SMARCE1: variants seen among roughly 807,000 people sequenced by gnomAD.
SMARCE1 encodes the protein SWI/SNF-related matrix-associated actin-dependent regulator of chromatin subfamily E member 1.
Under a neutral mutation model 54.9 loss-of-function variants are expected in SMARCE1, and 13 were observed. The observed-to-expected ratio is 0.24, with a 90% CI of 0.15 to 0.38. The LOEUF (loss-of-function observed/expected upper bound fraction) is 0.38. SMARCE1 is among the 10% of genes least tolerant of loss of function. The pLI is 1.00. For synonymous variants in SMARCE1, 151 were observed against 175.3 expected (o/e 0.86, Z 1.10); for missense variants, 295 against 523.8 (o/e 0.56, Z 4.26).
chr17:40,636,626 GA>G, intron 5 of SMARCE1, 100 bp from the exon 6 acceptor site: 1 of 914,602 alleles, frequency 1.1e-6, no homozygotes, highest in Non-Finnish European at 1.7e-6. Flanking sequence ...ACAAAGCAGA[GA>G]AAACAGTATC....
chr17:40,629,076 A>G (rs1226536960), intron 10 of SMARCE1, 83 bp from the exon 11 acceptor site: 85 of 1,146,270 alleles, frequency 7.4e-5, no homozygotes, highest in Middle Eastern at 3.8e-4. Flanking sequence ...GTGCTGTCCA[A>G]TATAGAAGCC....
At position 40,626,866 on chromosome 17, in the gene SMARCE1, C is replaced by CTCCAACTCAAAAAAAAAAAAAAAAA. The variant is rs1567843997; in HGVS notation, c.*1918_*1919insTTTTTTTTTTTTTTTTTGAGTTGGA. 1.1e-5 allele frequency: 1 copy of CTCCAACTCAAAAAAAAAAAAAAAAA among 93,174 alleles called. No individual in the cohort carries two copies. The highest frequency in any genetic ancestry group is 1.1e-4 in the Admixed American group (1 of 9,062). 5.8% of individuals were successfully genotyped at this position (93,174 alleles called of 1,614,324 possible). A position where few individuals can be genotyped will look rare whatever the true frequency, so the allele number is the denominator to read the frequency against. ...CTCCAACCTGGGCGACAGATTGAGA[C>CTCCAACTCAAAAAAAAAAAAAAAAA]GTCTCCCATCTGACTTAATTCCCTC... On this transcript the variant is annotated 3_prime_UTR_variant, in exon 11 of 11. Transcript: ENST00000348513.
intron 7 of SMARCE1, chr17:40,632,582 C>G (rs1307414793): frequency 2.0e-6 from 1 of 489,572 alleles, no homozygotes; most frequent in African/African-American, 2.0e-5. Flanking sequence ...ATCTCACAGT[C>G]TTTAAGTGAT....
chr17:40,631,148 T>A, intron 9 of SMARCE1: 1 of 463,600 alleles, frequency 2.2e-6, no homozygotes, highest in Non-Finnish European at 3.8e-6. Flanking sequence ...ATATAGGATA[T>A]TCCAGAGCAG....
At position 40,642,890 on chromosome 17, in the gene SMARCE1, T is replaced by C. The variant is rs1342712175; in HGVS notation, c.52-331A>G. 1 of 234,454 alleles carries C rather than the reference T, an allele frequency of 4.3e-6. No homozygotes were observed. Among genetic ancestry groups the C allele is most frequent in the Non-Finnish European group, 8.2e-6 (1 of 122,572 alleles). 14.5% of individuals were successfully genotyped at this position (234,454 alleles called of 1,614,324 possible). ...TTCAGGATTACTTTATGGTCAACAA[T>C]AGGATAAAACAACTTAGCAATATAT... On this transcript the variant is annotated intron_variant, in intron 3 of 10. Coordinates refer to ENST00000348513, the MANE Select transcript of SMARCE1 (RefSeq NM_003079.5). This position sits in a 1 kb window ranked among gnomAD's most constrained non-coding sequence, Gnocchi z 4.6.
intron 8 of SMARCE1, chr17:40,631,966 G>C (rs566242799): frequency 1.8e-6 from 1 of 542,816 alleles, no homozygotes; most frequent in Non-Finnish European, 3.2e-6. Flanking sequence ...AAGTTCACAC[G>C]TATTTCTTAA....
intron 3 of SMARCE1, chr17:40,644,829 C>T (rs2037237831): frequency 6.6e-6 from 1 of 151,972 alleles, no homozygotes; most frequent in Non-Finnish European, 1.5e-5. Flanking sequence ...TTTGGTCATG[C>T]TAACAGTGTT....
At chr17:40,647,400 CT>C (rs2037269327) in intron 1 of SMARCE1, 1 of 152,648 alleles carries the variant, frequency 6.6e-6, no homozygotes, top group South Asian at 2.1e-4. Context: ...CCTCAAGTCG[CT>C]GCCTGAACCA....
At chr17:40,631,872 G>C in intron 8 of SMARCE1, 179 bp from the exon 9 acceptor site, 1 of 575,332 alleles carries the variant, frequency 1.7e-6, no homozygotes, top group Non-Finnish European at 3.1e-6. Context: ...AAATGTTAAA[G>C]AATACTGTTT....
rs10658561 is a variant in SMARCE1, at chr17:40,625,921, A to ACTG, written c.*2861_*2863dup. 104,240 of 151,814 alleles carry ACTG rather than the reference A, an allele frequency of 0.69. 36,524 individuals are homozygous for ACTG. The highest frequency in any genetic ancestry group is 0.83 in the African/African-American group (34,523 of 41,396). 9.4% of individuals were successfully genotyped at this position (151,814 alleles called of 1,614,324 possible). ...GACAGGAGAAGTTACAGAATTTAAA[A>ACTG]CTGTTAGAAAATTGGGGGACTATGG... On this transcript the variant is annotated 3_prime_UTR_variant, in exon 11 of 11. Transcript: ENST00000348513.
chr17:40,629,005 C>A lies in SMARCE1; in HGVS notation c.1028-12G>T. ...AAGGTGTGTCTCCTCTGTAATCACA[C>A]ATTTGTCACTGTCAGTTCCAAGATG... On this transcript the variant is annotated splice_polypyrimidine_tract_variant and intron_variant, in intron 10 of 10. Coordinates refer to ENST00000348513, the MANE Select transcript of SMARCE1 (RefSeq NM_003079.5). 1.9e-6 allele frequency: 3 copies of A among 1,608,210 alleles called. No homozygotes were observed. The highest frequency in any genetic ancestry group is 2.6e-6 in the Non-Finnish European group (3 of 1,174,832).
At chr17:40,629,461 T>C in intron 10 of SMARCE1, 2 of 979,150 alleles carry the variant, frequency 2.0e-6, no homozygotes, top group Non-Finnish European at 1.3e-6. Flanking sequence ...GGACAGTGAA[T>C]GAGAGTTAGT....
At chr17:40,646,928 A>C (rs1399400171) in intron 1 of SMARCE1, among the ~76,000 whole-genome samples, 2 of 152,230 alleles carry the variant, frequency 1.3e-5, no homozygotes, top group South Asian at 4.1e-4. Context: ...CTTAAAGAAC[A>C]GCCAGAAACC....
At chr17:40,646,894 A>G (rs926565886) in intron 1 of SMARCE1, among the ~76,000 whole-genome samples, 12 of 152,140 alleles carry the variant, frequency 7.9e-5, no homozygotes, top group African/African-American at 2.9e-4. Flanking sequence ...CATTTTCTCA[A>G]TGGTCCAACC....
At chr17:40,636,731 T>A (rs1248746593) in intron 5 of SMARCE1, 1 of 463,996 alleles carries the variant, frequency 2.2e-6, no homozygotes, top group Non-Finnish European at 3.9e-6. Flanking sequence ...TTAAGATAGA[T>A]CTCAGACATC....
At chr17:40,645,774 A>C (rs896381951) in intron 2 of SMARCE1, 22 bp downstream of exon 2, 2 of 1,135,090 alleles carry the variant, frequency 1.8e-6, no homozygotes, top group Non-Finnish European at 2.4e-6. Flanking sequence ...ATAGATTGAT[A>C]AATATAAAAA....
intron 4 of SMARCE1, among the ~76,000 whole-genome samples, chr17:40,639,809 C>T (rs967129866): frequency 6.6e-6 from 1 of 152,152 alleles, no homozygotes; most frequent in African/African-American, 2.4e-5. Flanking sequence ...ATACTTTAGA[C>T]CCTTTCTGGA....
chr17:40,644,150 T>A (rs1438511701), intron 3 of SMARCE1: 1 of 152,160 alleles, frequency 6.6e-6, no homozygotes, highest in African/African-American at 2.4e-5. Context: ...GCAAAAAAAA[T>A]TCCTTTTTAT....
intron 8 of SMARCE1, 198 bp downstream of exon 8, chr17:40,631,997 A>C: frequency 1.8e-6 from 1 of 558,378 alleles, no homozygotes; most frequent in East Asian, 2.9e-5. Flanking sequence ...TTCCATTACA[A>C]GGTTCTATAT....
Sources: allele counts gnomAD v4.1 joint callset (sites outside exome capture counted in the v4.1 genomes callset), GRCh38; gene constraint gnomAD v4.1.1; non-coding constraint Gnocchi (gnomAD v3.1); transcripts MANE v1.5; gene names NCBI Gene and HGNC (gene_info 2026-07-23, HGNC 2026-07-21).